The following TTC28 variants were observed in gnomAD, a reference collection of about 807,000 sequenced individuals.
The protein encoded by TTC28 is tetratricopeptide repeat domain 28.
A neutral mutation model predicts 198.0 loss-of-function variants in TTC28; 61 were observed. The ratio of observed to expected loss-of-function variants is 0.31; its 90% CI spans 0.25 to 0.38. TTC28 has a LOEUF of 0.38. TTC28 is among the 10% of genes least tolerant of loss of function. The pLI, the probability that TTC28 is intolerant of heterozygous loss-of-function variation, is 1.00. For synonymous variants in TTC28, 1,171 were observed against 1,297.8 expected, an observed-to-expected ratio of 0.90 and a Z score of 2.10; for missense variants, 2,678 against 3,164.0, an observed-to-expected ratio of 0.85 and a Z score of 3.69.
At chr22:28,465,624 CA>C (rs572565847) in intron 2 of TTC28, among the ~76,000 whole-genome samples, 61 of 132,444 alleles carry the variant, frequency 4.6e-4, no homozygotes, top group East Asian at 8.9e-4. Context: ...AACTCCGTCT[CA>C]AAAAAAAAAA....
At chr22:28,412,461 T>C (rs1018545192) in intron 2 of TTC28, among the ~76,000 whole-genome samples, 6 of 152,174 alleles carry the variant, frequency 3.9e-5, no homozygotes, top group African/African-American at 1.4e-4. Flanking sequence ...CAAAACTCCT[T>C]AGCCTGGCAT....
intron 2 of TTC28, among the ~76,000 whole-genome samples, chr22:28,515,950 G>A (rs929265639): frequency 6.6e-6 from 1 of 152,044 alleles, no homozygotes; most frequent in Admixed American, 6.6e-5. Context: ...TTCAAGACCA[G>A]CCTGGCCAAC....
chr22:28,638,994 G>C (rs1015282142), intron 1 of TTC28, among the ~76,000 whole-genome samples: 2 of 152,062 alleles, frequency 1.3e-5, no homozygotes, highest in Admixed American at 1.3e-4. Context: ...AACAATTTGG[G>C]AACATCTACA....
intron 5 of TTC28, among the ~76,000 whole-genome samples, chr22:28,230,543 A>G (rs1928722788): frequency 1.3e-5 from 2 of 152,184 alleles, no homozygotes; most frequent in Non-Finnish European, 2.9e-5. Context: ...ATCAGAGGAG[A>G]TTCTTCAAAA....
chr22:28,384,915 G>T (rs928729380), intron 2 of TTC28, among the ~76,000 whole-genome samples: 1 of 151,908 alleles, frequency 6.6e-6, no homozygotes, highest in African/African-American at 2.4e-5. Flanking sequence ...CCGGGGACGG[G>T]GGGGATCATC....
At chr22:28,025,084 G>A (rs1938774870) in intron 13 of TTC28, among the ~76,000 whole-genome samples, 1 of 152,104 alleles carries the variant, frequency 6.6e-6, no homozygotes, top group Admixed American at 6.5e-5. Flanking sequence ...GGCAGATTGG[G>A]TCATCACTCT....
chr22:27,998,501 C>T (rs777379852), intron 16 of TTC28, 39 bp downstream of exon 16: 1 of 1,525,238 alleles, frequency 6.6e-7, no homozygotes, highest in African/African-American at 1.4e-5. Context: ...GACTGAGCCC[C>T]AGGCCTTGAC....
At chr22:28,552,710 C>T (rs1031436265) in intron 2 of TTC28, among the ~76,000 whole-genome samples, 1 of 152,178 alleles carries the variant, frequency 6.6e-6, no homozygotes, top group South Asian at 2.1e-4. Flanking sequence ...TCATCTCTCA[C>T]CTTATACAAA....
At chr22:28,237,682 T>C (rs1929351813) in intron 5 of TTC28, among the ~76,000 whole-genome samples, 1 of 152,222 alleles carries the variant, frequency 6.6e-6, no homozygotes, top group Non-Finnish European at 1.5e-5. Flanking sequence ...ATATCACTTA[T>C]ATTTATCTAC....
intron 1 of TTC28, among the ~76,000 whole-genome samples, chr22:28,636,293 T>C (rs2051270902): frequency 6.6e-6 from 1 of 151,832 alleles, no homozygotes. Context: ...GTCCGGCTAA[T>C]TTTTTGTATT....
At chr22:28,340,200 C>G (rs2045807248) in intron 2 of TTC28, among the ~76,000 whole-genome samples, 1 of 152,122 alleles carries the variant, frequency 6.6e-6, no homozygotes, top group Admixed American at 6.5e-5. Context: ...CTTTCCTTCT[C>G]TGGGGCTTCG....
chr22:28,515,330 A>C (rs1422057045), intron 2 of TTC28, among the ~76,000 whole-genome samples: 1 of 152,210 alleles, frequency 6.6e-6, no homozygotes, highest in Non-Finnish European at 1.5e-5. Flanking sequence ...AGAGGTATTA[A>C]AGGCTCTCCT....
At chr22:28,203,867 C>T (rs1926180184) in intron 5 of TTC28, among the ~76,000 whole-genome samples, 1 of 152,120 alleles carries the variant, frequency 6.6e-6, no homozygotes, top group Non-Finnish European at 1.5e-5. Context: ...TCACTCATCA[C>T]AAGGAGACTG....
chr22:28,026,972 C>A (rs1008612182), intron 13 of TTC28, among the ~76,000 whole-genome samples: 4 of 152,140 alleles, frequency 2.6e-5, no homozygotes, highest in Non-Finnish European at 5.9e-5. Flanking sequence ...CAACGCAGTC[C>A]CTGTAGTCCA....
At chr22:28,644,106 A>C (rs1288250696) in intron 1 of TTC28, among the ~76,000 whole-genome samples, 1 of 152,216 alleles carries the variant, frequency 6.6e-6, no homozygotes, top group Non-Finnish European at 1.5e-5. Flanking sequence ...CTACTATGAT[A>C]ATACAGAACT....
chr22:28,629,494 T>C (rs545411444), intron 2 of TTC28, 58 bp downstream of exon 2: 2 of 1,445,144 alleles, frequency 1.4e-6, no homozygotes, highest in African/African-American at 2.9e-5. Flanking sequence ...TACATTAAAG[T>C]AAGAAGCCAG....
chr22:28,463,750 C>T (rs902340742), intron 2 of TTC28, among the ~76,000 whole-genome samples: 11 of 141,910 alleles, frequency 7.8e-5, no homozygotes, highest in Non-Finnish European at 9.1e-5. Flanking sequence ...CATCACACAC[C>T]GGGGCCTGTT....
intron 13 of TTC28, among the ~76,000 whole-genome samples, chr22:28,021,995 C>T (rs905364488): frequency 6.6e-6 from 1 of 152,230 alleles, no homozygotes; most frequent in African/African-American, 2.4e-5. Flanking sequence ...CCTCTTCCAG[C>T]CCTCAGCCCC....
chr22:28,591,044 T>C (rs62237652), intron 2 of TTC28, among the ~76,000 whole-genome samples: 34 of 36,408 alleles, frequency 9.3e-4, no homozygotes, highest in African/African-American at 2.1e-3. Flanking sequence ...CACACACATA[T>C]ATATATATAT....
Sources: allele counts gnomAD v4.1 joint callset (sites outside exome capture counted in the v4.1 genomes callset), GRCh38; gene constraint gnomAD v4.1.1; transcripts MANE v1.5; gene names NCBI Gene and HGNC (gene_info 2026-07-23, HGNC 2026-07-21).